The following CTNNA3 variants were observed in gnomAD, a reference collection of about 807,000 sequenced individuals.
CTNNA3 encodes the protein catenin alpha-3.
CTNNA3 carries 76 observed loss-of-function variants against 95.7 expected under a neutral mutation model. The ratio of observed to expected loss-of-function variants is 0.79; its 90% CI spans 0.66 to 0.96. The LOEUF is 0.96. Among genes scored for constraint, CTNNA3 ranks in the 40% least tolerant of loss-of-function variants. The probability of loss-of-function intolerance (pLI) is 0.00; values close to 1 mark genes in which losing one functional copy is unlikely to be tolerated. For synonymous variants in CTNNA3, 431 were observed against 374.4 expected, an observed-to-expected ratio of 1.15 and a Z score of -1.74; for missense variants, 1,191 against 1,089.8, an observed-to-expected ratio of 1.09 and a Z score of -1.31.
chr10:67,062,037 T>C (rs1309726845), intron 7 of CTNNA3, among the ~76,000 whole-genome samples: 5 of 152,148 alleles, frequency 3.3e-5, no homozygotes, highest in Admixed American at 1.3e-4. Flanking sequence ...GAAAGAACAT[T>C]GAAGAACAGA....
rs186319654 is a variant in CTNNA3 at position 66,436,433 on chromosome 10, C to T, written c.1532-57081G>A. On this transcript the variant is annotated intron_variant, in intron 11 of 17. Coordinates refer to ENST00000433211, the MANE Select transcript of CTNNA3 (RefSeq NM_013266.4). The stretch of plus-strand genomic sequence containing the variant: ...GATCCCTCTACCATTATGTAATGCC[C>T]TTCTTTGTCTTTTTTATCTTTGTTG... 8.4e-3 allele frequency among the ~76,000 whole-genome samples: 1,266 copies of T among 149,872 alleles called. 7 individuals carry two copies. Among genetic ancestry groups the T allele is most frequent in the Non-Finnish European group, 0.012 (807 of 67,570 alleles).
chr10:67,590,339 T>C (rs1842754144), intron 3 of CTNNA3, among the ~76,000 whole-genome samples: 1 of 152,026 alleles, frequency 6.6e-6, no homozygotes, highest in Non-Finnish European at 1.5e-5. Flanking sequence ...AGAGAAAACA[T>C]CTCATCAAGT....
At chr10:67,726,475 T>C (rs1481226801) in intron 1 of CTNNA3, among the ~76,000 whole-genome samples, 2 of 56,900 alleles carry the variant, frequency 3.5e-5, no homozygotes, top group East Asian at 1.7e-3. Flanking sequence ...GATATAATAT[T>C]ATATATTATA....
intron 12 of CTNNA3, among the ~76,000 whole-genome samples, chr10:66,336,499 C>T (rs1024905069): frequency 6.6e-6 from 1 of 152,070 alleles, no homozygotes; most frequent in Non-Finnish European, 1.5e-5. Context: ...AGTTAATAAC[C>T]TCTCTATCCT....
intron 7 of CTNNA3, among the ~76,000 whole-genome samples, chr10:67,161,960 A>C (rs1861568020): frequency 6.6e-6 from 1 of 152,116 alleles, no homozygotes. Context: ...TTAAGAGTCA[A>C]TCCTTCAAGA....
intron 7 of CTNNA3, among the ~76,000 whole-genome samples, chr10:66,978,552 AATAT>A (rs1554890349): frequency 3.7e-4 from 14 of 37,880 alleles, no homozygotes; most frequent in South Asian, 1.2e-3. Flanking sequence ...AAAAAAAAAA[AATAT>A]ATATATATAT....
Position 66,991,325 on chromosome 10 carries a change from G to C in CTNNA3, c.1047+188992C>G, listed in dbSNP as rs558162267. ...AGTGCCAATGTCCAGGAATTAGTTT[G>C]CTTTTCTGAAATAATATTTAAGATA... is the stretch of plus-strand genomic sequence containing the variant. On this transcript the variant is annotated intron_variant, in intron 7 of 17. Transcript: ENST00000433211. Among the ~76,000 whole-genome samples, 8 of 152,130 alleles carry C rather than the reference G, an allele frequency of 5.3e-5. 1 individual carries two copies. Among genetic ancestry groups the C allele is most frequent in the African/African-American group, 1.9e-4 (8 of 41,524 alleles).
chr10:66,190,065 C>T (rs781676981), intron 13 of CTNNA3, among the ~76,000 whole-genome samples: 50 of 152,000 alleles, frequency 3.3e-4, no homozygotes, highest in Non-Finnish European at 5.7e-4. Context: ...AACTACAGAG[C>T]CAAGAAGCTC....
chr10:67,762,758 GC>G (rs1420576598), intron 1 of CTNNA3, among the ~76,000 whole-genome samples: 1 of 152,132 alleles, frequency 6.6e-6, no homozygotes, highest in African/African-American at 2.4e-5. Flanking sequence ...CCACACCCTG[GC>G]CCTGGTAGTT....
chr10:67,316,036 A>C (rs1379708730), intron 5 of CTNNA3, among the ~76,000 whole-genome samples: 2 of 152,196 alleles, frequency 1.3e-5, no homozygotes, highest in Admixed American at 1.3e-4. Flanking sequence ...TTCTTTTTGA[A>C]TAGTGATAAT....
intron 7 of CTNNA3, among the ~76,000 whole-genome samples, chr10:66,825,314 C>T (rs994080891): frequency 2.2e-4 from 33 of 147,424 alleles, no homozygotes; most frequent in African/African-American, 7.7e-4. Context: ...CGTGCTCTGT[C>T]GCCCAGGCTG....
At chr10:66,287,112 G>T (rs1176294132) in intron 12 of CTNNA3, among the ~76,000 whole-genome samples, 1 of 152,058 alleles carries the variant, frequency 6.6e-6, no homozygotes, top group Admixed American at 6.6e-5. Flanking sequence ...ACACGCTAAT[G>T]CCTGAAATAT....
chr10:67,736,598 G>C lies in CTNNA3; in HGVS notation c.-2+26836C>G, dbSNP rs540760999. On this transcript the variant is annotated intron_variant, in intron 1 of 17. Coordinates refer to the CTNNA3 transcript ENST00000684154. ...AGCCTCCCAAGTAGCTGGGACTACA[G>C]GTGCCCACCATCACGCCTGGCTAAT... Among the ~76,000 whole-genome samples the C allele has an allele frequency of 6.6e-5, 10 of 151,858 alleles. No homozygotes were observed. The East Asian group carries it at 1.7e-3, about 27-fold the overall frequency.
At chr10:66,505,734 T>C (rs1840427034) in intron 11 of CTNNA3, among the ~76,000 whole-genome samples, 1 of 152,122 alleles carries the variant, frequency 6.6e-6, no homozygotes, top group Admixed American at 6.5e-5. Context: ...AACACCTGTT[T>C]TATATTGGAT....
intron 1 of CTNNA3, among the ~76,000 whole-genome samples, chr10:67,732,942 T>C (rs1241476461): frequency 6.6e-6 from 1 of 151,706 alleles, no homozygotes; most frequent in East Asian, 1.9e-4. Context: ...GTTAAAAGTG[T>C]AGAATTGAGC....
intron 16 of CTNNA3, among the ~76,000 whole-genome samples, chr10:65,975,009 TA>T (rs1183167956): frequency 6.6e-6 from 1 of 152,174 alleles, no homozygotes; most frequent in African/African-American, 2.4e-5. Flanking sequence ...CAGTAATTAA[TA>T]ACTTAAGCTG....
In CTNNA3 at chr10:66,281,928, A is replaced by T. The variant is rs147410146; in HGVS notation, c.1733-1307T>A. 1.1e-3 allele frequency among the ~76,000 whole-genome samples: 162 copies of T among 151,956 alleles called. 1 individual carries two copies. The highest frequency in any genetic ancestry group is 3.7e-3 in the African/African-American group (152 of 41,526). On this transcript the variant is annotated intron_variant, in intron 12 of 17. Coordinates refer to ENST00000433211, the MANE Select transcript of CTNNA3 (RefSeq NM_013266.4). ...CCTATTCTCTGTCTATTCTCTAGGCACATTGTCTAATAAAAGGTGGCTACT... is the reference window on the plus strand; with the variant it reads ...CCTATTCTCTGTCTATTCTCTAGGCTCATTGTCTAATAAAAGGTGGCTACT...
chr10:67,024,427 T>C (rs972944692), intron 7 of CTNNA3, among the ~76,000 whole-genome samples: 1 of 152,206 alleles, frequency 6.6e-6, no homozygotes, highest in Non-Finnish European at 1.5e-5. Context: ...AATCCTTAAT[T>C]GTTCTGCAAA....
chr10:66,991,073 C>T (rs568001901), intron 7 of CTNNA3, among the ~76,000 whole-genome samples: 1 of 152,248 alleles, frequency 6.6e-6, no homozygotes, highest in Non-Finnish European at 1.5e-5. Context: ...TGCAGAAGAA[C>T]CTTCAGAAAA....
Sources: gnomAD v4.1 joint callset for allele counts (sites outside exome capture counted in the v4.1 genomes callset) on GRCh38, gnomAD v4.1.1 for gene constraint, MANE v1.5 for transcripts, NCBI Gene and HGNC (gene_info 2026-07-23, HGNC 2026-07-21) for gene names.